ITGBL1: variants seen among roughly 807,000 people sequenced by gnomAD.
The protein encoded by ITGBL1 is integrin beta-like protein 1.
ITGBL1 carries 51 observed loss-of-function variants against 68.5 expected under a neutral mutation model. That is an observed-to-expected ratio of 0.74 (90% CI 0.59 to 0.94). The LOEUF (loss-of-function observed/expected upper bound fraction) is 0.94. Ranked by LOEUF, ITGBL1 falls within the 40% of genes least tolerant of loss-of-function variation. ITGBL1 has a pLI of 0.00. For synonymous variants in ITGBL1, 209 were observed against 227.3 expected (o/e 0.92, Z 0.72); for missense variants, 649 against 647.4 (o/e 1.00, Z -0.03).
chr13:101,600,257 A>G (rs1422576986), intron 7 of ITGBL1, among the ~76,000 whole-genome samples: 1 of 152,078 alleles, frequency 6.6e-6, no homozygotes, highest in Non-Finnish European at 1.5e-5. Flanking sequence ...TTGGTGTATA[A>G]GAATGCTTGT....
chr13:101,465,496 T>G (rs78441173), intron 2 of ITGBL1, among the ~76,000 whole-genome samples: 5,372 of 152,322 alleles, frequency 0.035, 319 homozygotes, highest in African/African-American at 0.12. Context: ...TTTGCTAAAT[T>G]ACTGTGAATT....
chr13:101,548,220 A>C (rs1356257289), intron 2 of ITGBL1, among the ~76,000 whole-genome samples: 1 of 151,866 alleles, frequency 6.6e-6, no homozygotes, highest in Non-Finnish European at 1.5e-5. Flanking sequence ...AATACAAAAC[A>C]CTATACCAAA....
At chr13:101,471,532 ATGTGTGTGTGTGTGTGTGTGTG>A (rs150659546) in intron 2 of ITGBL1, among the ~76,000 whole-genome samples, 5 of 110,448 alleles carry the variant, frequency 4.5e-5, no homozygotes, top group Non-Finnish European at 1.1e-4. Context: ...GTGTGTATGT[ATGTGTGTGTGTGTGTGTGTGTG>A]TGTGTGTGTG....
chr13:101,525,944 G>T (rs575583816), intron 2 of ITGBL1, among the ~76,000 whole-genome samples: 1 of 151,474 alleles, frequency 6.6e-6, no homozygotes, highest in Non-Finnish European at 1.5e-5. Context: ...CATAAATTTT[G>T]CATTTTCATA....
chr13:101,615,837 C>T (rs1369337377), intron 7 of ITGBL1, among the ~76,000 whole-genome samples: 1 of 152,016 alleles, frequency 6.6e-6, no homozygotes, highest in Non-Finnish European at 1.5e-5. Context: ...AAAGAGACCC[C>T]AGAAAGCTAG....
chr13:101,515,408 G>A (rs2049179593), intron 2 of ITGBL1, among the ~76,000 whole-genome samples: 1 of 151,944 alleles, frequency 6.6e-6, no homozygotes, highest in African/African-American at 2.4e-5. Context: ...CTTTAAGTGT[G>A]TGTTGGTAGT....
At chr13:101,578,220 C>T (rs149107375) in intron 4 of ITGBL1, among the ~76,000 whole-genome samples, 2 of 152,074 alleles carry the variant, frequency 1.3e-5, no homozygotes, top group African/African-American at 4.8e-5. Context: ...GCCAGAAATA[C>T]CATAGTGTTA....
At chr13:101,675,691 G>A (rs2033484620) in intron 7 of ITGBL1, among the ~76,000 whole-genome samples, 1 of 151,998 alleles carries the variant, frequency 6.6e-6, no homozygotes, top group Non-Finnish European at 1.5e-5. Flanking sequence ...ATAAATTTAG[G>A]GGTGGGATAT....
intron 7 of ITGBL1, among the ~76,000 whole-genome samples, chr13:101,642,433 G>A (rs2032413704): frequency 6.6e-6 from 1 of 152,024 alleles, no homozygotes; most frequent in Non-Finnish European, 1.5e-5. Context: ...TTGTAAATTT[G>A]TTTGAGTTCA....
intron 9 of ITGBL1, chr13:101,710,852 C>A (rs2034431362): frequency 6.6e-6 from 1 of 152,132 alleles, no homozygotes. Context: ...ATAGCCAAGA[C>A]AATAAATCAC....
At chr13:101,588,297 T>TTGTGTGTGTG (rs10661136) in intron 6 of ITGBL1, among the ~76,000 whole-genome samples, 97,530 of 149,592 alleles carry the variant, frequency 0.65, 31,796 homozygotes, top group Middle Eastern at 0.7. Flanking sequence ...TATTCTTCCA[T>TTGTGTGTGTG]TGTGTGTGTG....
intron 8 of ITGBL1, among the ~76,000 whole-genome samples, chr13:101,693,310 G>T (rs2033924719): frequency 6.6e-6 from 1 of 152,142 alleles, no homozygotes; most frequent in African/African-American, 2.4e-5. Flanking sequence ...TCTTGAAAAA[G>T]TTCATATCGC....
intron 2 of ITGBL1, among the ~76,000 whole-genome samples, chr13:101,457,698 C>T (rs9585698): frequency 0.067 from 10,237 of 152,080 alleles, 1,122 homozygotes; most frequent in African/African-American, 0.23. Context: ...GCCTTGTAGT[C>T]CCAGCTACTC....
chr13:101,705,487 C>CA (rs1301280752), intron 8 of ITGBL1, among the ~76,000 whole-genome samples: 3 of 151,854 alleles, frequency 2.0e-5, no homozygotes, highest in Non-Finnish European at 4.4e-5. Flanking sequence ...TTTCTCATGC[C>CA]AAAACTTGGG....
chr13:101,604,887 T>TATATGTATATATATATCTACAC, intron 7 of ITGBL1, among the ~76,000 whole-genome samples: 1 of 22,164 alleles, frequency 4.5e-5, no homozygotes, highest in Non-Finnish European at 8.2e-5. Context: ...TATATATATA[T>TATATGTATATATATATCTACAC]ACACACACAC....
chr13:101,569,025 A>AACCCACACAC (rs2050227495), intron 3 of ITGBL1, among the ~76,000 whole-genome samples: 1 of 103,656 alleles, frequency 9.6e-6, no homozygotes, highest in Non-Finnish European at 1.9e-5. Flanking sequence ...CACCCCTCCA[A>AACCCACACAC]ACACACACAC....
intron 7 of ITGBL1, among the ~76,000 whole-genome samples, chr13:101,674,179 C>T (rs1052414602): frequency 6.6e-6 from 1 of 152,220 alleles, no homozygotes; most frequent in African/African-American, 2.4e-5. Context: ...AATACACACA[C>T]ACATACACAC....
intron 6 of ITGBL1, among the ~76,000 whole-genome samples, chr13:101,583,977 G>C (rs992455373): frequency 6.6e-6 from 1 of 152,064 alleles, no homozygotes; most frequent in Non-Finnish European, 1.5e-5. Flanking sequence ...ACAATGAACA[G>C]GATAGTTATC....
chr13:101,704,856 G>C (rs7324876), intron 8 of ITGBL1, among the ~76,000 whole-genome samples: 1 of 151,916 alleles, frequency 6.6e-6, no homozygotes, highest in African/African-American at 2.4e-5. Flanking sequence ...TTGTTTCTTT[G>C]TTTGTTTTTA....
Sources: allele counts gnomAD v4.1 joint callset (sites outside exome capture counted in the v4.1 genomes callset), GRCh38; gene constraint gnomAD v4.1.1; transcripts MANE v1.5; gene names NCBI Gene and HGNC (gene_info 2026-07-23, HGNC 2026-07-21).